Variants in RGS6 observed in about 807,000 individuals in gnomAD.
The protein encoded by RGS6 is regulator of G-protein signaling 6.
In RGS6, 30 loss-of-function variants were observed where a neutral mutation model predicts 78.5. That is an observed-to-expected ratio of 0.38 (90% CI 0.29 to 0.52). RGS6 has a LOEUF of 0.52. Among genes scored for constraint, RGS6 ranks in the 20% least tolerant of loss-of-function variants. The pLI is 0.85. For missense variants in RGS6, 495 were observed against 609.7 expected, an observed-to-expected ratio of 0.81 and a Z score of 1.98; for synonymous variants, 206 against 206.0, an observed-to-expected ratio of 1.00 and a Z score of 0.00.
At chr14:72,070,077 ATTTTGTTTTT>A (rs2094348824) in intron 2 of RGS6, among the ~76,000 whole-genome samples, 1 of 151,792 alleles carries the variant, frequency 6.6e-6, no homozygotes, top group South Asian at 2.1e-4. Context: ...TAAACTATAC[ATTTTGTTTTT>A]TGTTAGTGTA....
rs533405654 is a variant in RGS6 at position 72,271,522 on chromosome 14, A to G, written c.85-80573A>G. 2.6e-5 allele frequency among the ~76,000 whole-genome samples: 4 copies of G among 152,318 alleles called. No individual in the cohort carries two copies. In the South Asian group the frequency reaches 6.2e-4, roughly 24 times the overall value. ...AGCCAAACCATATCAACCACTGTAGACATGACCAAGTTCAGACTTGGTCAG... is the reference window on the plus strand; with the variant it reads ...AGCCAAACCATATCAACCACTGTAGGCATGACCAAGTTCAGACTTGGTCAG... On this transcript the variant is annotated intron_variant, in intron 2 of 17. Coordinates refer to ENST00000553525, the MANE Select transcript of RGS6 (RefSeq NM_001204424.2).
intron 2 of RGS6, among the ~76,000 whole-genome samples, chr14:72,266,822 C>T (rs1466469566): frequency 6.6e-6 from 1 of 152,272 alleles, no homozygotes; most frequent in African/African-American, 2.4e-5. Context: ...AAGGCTAAGA[C>T]CAGGAGTGGT....
intron 2 of RGS6, among the ~76,000 whole-genome samples, chr14:72,350,582 C>T (rs1475990928): frequency 6.6e-6 from 1 of 152,130 alleles, no homozygotes; most frequent in Non-Finnish European, 1.5e-5. Flanking sequence ...CAGTGAGAAA[C>T]TCTCCAGAAT....
the RGS6 span, among the ~76,000 whole-genome samples, chr14:72,574,949 A>G: frequency 1.3e-5 from 2 of 152,120 alleles, no homozygotes; most frequent in African/African-American, 4.8e-5. Context: ...GTGATGCTAC[A>G]GTAGGATGGA....
chr14:72,394,611 G>T (rs753673546), intron 3 of RGS6, among the ~76,000 whole-genome samples: 5 of 152,128 alleles, frequency 3.3e-5, no homozygotes, highest in African/African-American at 4.8e-5. Flanking sequence ...GCTCTGTTCC[G>T]CCTGGCTCTC....
At chr14:72,579,372 A>C in the RGS6 span, among the ~76,000 whole-genome samples, 11 of 152,120 alleles carry the variant, frequency 7.2e-5, no homozygotes, top group Non-Finnish European at 1.3e-4. Flanking sequence ...AGAGCACAGC[A>C]CTCTATCTTG....
At chr14:72,395,420 T>G (rs1455414983) in intron 3 of RGS6, among the ~76,000 whole-genome samples, 13 of 152,182 alleles carry the variant, frequency 8.5e-5, no homozygotes, top group Admixed American at 7.9e-4. Context: ...ATGCCATTTT[T>G]AATTTAAAAA....
chr14:72,511,628 A>C (rs2153449336), intron 14 of RGS6: 1 of 152,390 alleles, frequency 6.6e-6, no homozygotes, highest in African/African-American at 2.4e-5. Context: ...TGGACTTTGA[A>C]GAATACACAG....
chr14:72,354,943 TA>T (rs2079941886), intron 3 of RGS6, among the ~76,000 whole-genome samples: 1 of 152,074 alleles, frequency 6.6e-6, no homozygotes, highest in South Asian at 2.1e-4. Context: ...TTTACTATAT[TA>T]TTTTTCACAT....
At chr14:72,474,231 A>G (rs1366075143) in intron 9 of RGS6, among the ~76,000 whole-genome samples, 2 of 152,226 alleles carry the variant, frequency 1.3e-5, no homozygotes. Context: ...GGAACTAAAA[A>G]ATAAATTATT....
intron 16 of RGS6, among the ~76,000 whole-genome samples, chr14:72,538,127 C>T (rs2097274307): frequency 6.6e-6 from 1 of 152,222 alleles, no homozygotes; most frequent in Admixed American, 6.5e-5. Context: ...CTGCTTTCTC[C>T]TTCTGTTTCT....
intron 15 of RGS6, among the ~76,000 whole-genome samples, chr14:72,521,915 C>A (rs954013670): frequency 6.6e-6 from 1 of 152,172 alleles, no homozygotes; most frequent in African/African-American, 2.4e-5. Context: ...TTTCTAATGT[C>A]ACTAATATTC....
the RGS6 span, among the ~76,000 whole-genome samples, chr14:71,876,730 G>A: frequency 1.3e-5 from 2 of 151,790 alleles, no homozygotes; most frequent in African/African-American, 4.8e-5. Flanking sequence ...GATATTAGCT[G>A]GTTATTTTGC....
At chr14:71,878,633 G>A in the RGS6 span, among the ~76,000 whole-genome samples, 1 of 152,220 alleles carries the variant, frequency 6.6e-6, no homozygotes, top group African/African-American at 2.4e-5. Flanking sequence ...TGCACTTCCT[G>A]GGTGAGGCAA....
At chr14:72,189,766 G>T (rs1368726510) in intron 2 of RGS6, among the ~76,000 whole-genome samples, 2 of 151,894 alleles carry the variant, frequency 1.3e-5, no homozygotes, top group Admixed American at 6.6e-5. Flanking sequence ...TTCTTTTTTT[G>T]TCTTATTGGT....
chr14:72,411,678 A>AGTT (rs2093423623), intron 3 of RGS6, among the ~76,000 whole-genome samples: 1 of 152,178 alleles, frequency 6.6e-6, no homozygotes, highest in African/African-American at 2.4e-5. Flanking sequence ...GTTTTTGTCC[A>AGTT]TTCAGTATGA....
At chr14:72,182,416 CAAA>C (rs34656799) in intron 2 of RGS6, among the ~76,000 whole-genome samples, 200 of 106,318 alleles carry the variant, frequency 1.9e-3, no homozygotes, top group South Asian at 2.7e-3. Flanking sequence ...GACTCCATCT[CAAA>C]AAAAAAAAAA....
At chr14:71,906,656 A>T in the RGS6 span, among the ~76,000 whole-genome samples, 1 of 152,216 alleles carries the variant, frequency 6.6e-6, no homozygotes, top group African/African-American at 2.4e-5. Flanking sequence ...CTGGACTGAA[A>T]TGTTAAAATA....
chr14:72,237,108 C>A lies in RGS6; in HGVS notation c.85-114987C>A, dbSNP rs932654700. ...TTGGGATAAGTACATGCAATACATA[C>A]TACTTTGCATGAGACTTTTTCACGC... On this transcript the variant is annotated intron_variant, in intron 2 of 17. Coordinates refer to ENST00000553525, the MANE Select transcript of RGS6 (RefSeq NM_001204424.2). 1.9e-4 allele frequency among the ~76,000 whole-genome samples: 29 copies of A among 152,200 alleles called. 1 individual carries two copies. The highest frequency in any genetic ancestry group is 7.0e-4 in the African/African-American group (29 of 41,448).
Sources: allele counts gnomAD v4.1 joint callset (sites outside exome capture counted in the v4.1 genomes callset), GRCh38; gene constraint gnomAD v4.1.1; transcripts MANE v1.5; gene names NCBI Gene and HGNC (gene_info 2026-07-23, HGNC 2026-07-21).